The following RPS6KC1 variants were observed in gnomAD, a reference collection of about 807,000 sequenced individuals.
RPS6KC1 encodes the protein inactive ribosomal protein S6 kinase delta-1.
A neutral mutation model predicts 103.8 loss-of-function variants in RPS6KC1; 54 were observed. The observed-to-expected ratio is 0.52, with a 90% CI of 0.42 to 0.65. The LOEUF (loss-of-function observed/expected upper bound fraction) is 0.65, where lower values mean the gene tolerates loss of function less well. Among genes scored for constraint, RPS6KC1 ranks in the 30% least tolerant of loss-of-function variants. The pLI, the probability that RPS6KC1 is intolerant of heterozygous loss-of-function variation, is 0.00. For missense variants in RPS6KC1, 1,151 were observed against 1,253.8 expected (o/e 0.92, Z 1.24); for synonymous variants, 439 against 438.7 (o/e 1.00, Z -0.01).
chr1:213,579,455 C>G, the RPS6KC1 span, among the ~76,000 whole-genome samples: 1 of 151,960 alleles, frequency 6.6e-6, no homozygotes, highest in Non-Finnish European at 1.5e-5. Context: ...GGTGAAGCAC[C>G]AAGTGCTGAT....
chr1:213,773,213 A>G, the RPS6KC1 span, among the ~76,000 whole-genome samples: 1 of 101,068 alleles, frequency 9.9e-6, no homozygotes, highest in Non-Finnish European at 2.3e-5. Flanking sequence ...TTGAAACACC[A>G]TTCAGTCTCT....
the RPS6KC1 span, among the ~76,000 whole-genome samples, chr1:213,684,267 G>A: frequency 1.1e-3 from 169 of 152,230 alleles, 1 homozygote; most frequent in Middle Eastern, 6.8e-3. Flanking sequence ...CAGCAACCCG[G>A]GGAGCTTTTG....
At position 213,104,477 on chromosome 1, in the gene RPS6KC1, G is replaced by A. The variant is rs56032860; in HGVS notation, c.286G>A (p.Glu96Lys). 4.0e-5 allele frequency: 64 copies of A among 1,610,836 alleles called. 1 individual carries two copies. In the South Asian group the frequency reaches 4.4e-4, roughly 11 times the overall value. Residue 96 changes from glutamate (E) to lysine (K), a missense_variant, in exon 4 of 15, where the codon GAA becomes AAA. Coordinates refer to ENST00000366960, the MANE Select transcript of RPS6KC1 (RefSeq NM_012424.6). Reference sequence around the variant, plus strand: ...AGGGCGATTTGATGAAACTGTTATCGAAGAGAGAAGACAATGTGCTGAAGA... The same window carrying A: ...AGGGCGATTTGATGAAACTGTTATCAAAGAGAGAAGACAATGTGCTGAAGA... ...VFGRFDETVI[E>K]ERRQCAEDLL... is the part of the protein sequence containing the mutation.
At chr1:213,476,505 CT>C in the RPS6KC1 span, among the ~76,000 whole-genome samples, 1 of 152,172 alleles carries the variant, frequency 6.6e-6, no homozygotes, top group African/African-American at 2.4e-5. Flanking sequence ...TGCACCTCCC[CT>C]TTATAAATCT....
At chr1:213,837,697 A>T in the RPS6KC1 span, among the ~76,000 whole-genome samples, 7 of 152,288 alleles carry the variant, frequency 4.6e-5, no homozygotes, top group South Asian at 1.5e-3. Flanking sequence ...GTGTGTGTGC[A>T]TGCACATGTG....
At chr1:213,761,474 G>T in the RPS6KC1 span, among the ~76,000 whole-genome samples, 3 of 152,146 alleles carry the variant, frequency 2.0e-5, no homozygotes, top group Non-Finnish European at 4.4e-5. Context: ...AGATGGAAAG[G>T]ATTCCAATAA....
At chr1:213,818,639 C>T in the RPS6KC1 span, 8 of 152,156 alleles carry the variant, frequency 5.3e-5, no homozygotes, top group East Asian at 7.7e-4. Context: ...AATTCTGGCA[C>T]ATAGAGAACA....
intron 8 of RPS6KC1, among the ~76,000 whole-genome samples, chr1:213,182,644 G>C (rs779780315): frequency 6.6e-6 from 1 of 150,982 alleles, no homozygotes; most frequent in Non-Finnish European, 1.5e-5. Flanking sequence ...AAATATACCA[G>C]TTAAAAAAAC....
the RPS6KC1 span, among the ~76,000 whole-genome samples, chr1:213,722,933 C>T: frequency 1.6e-4 from 24 of 152,156 alleles, no homozygotes; most frequent in Non-Finnish European, 1.9e-4. Context: ...AATCCCAGCA[C>T]TTTGGGAGGC....
the RPS6KC1 span, among the ~76,000 whole-genome samples, chr1:213,775,294 T>C: frequency 6.6e-6 from 1 of 152,172 alleles, no homozygotes; most frequent in Non-Finnish European, 1.5e-5. Context: ...TAATAGGTGG[T>C]CTAATGTTAA....
intron 3 of RPS6KC1, among the ~76,000 whole-genome samples, chr1:213,092,438 G>A (rs1000135782): frequency 2.6e-4 from 39 of 152,252 alleles, no homozygotes; most frequent in African/African-American, 9.1e-4. Context: ...TTGGGAGGCC[G>A]AGGCGGGCGG....
At chr1:213,826,612 G>C in the RPS6KC1 span, among the ~76,000 whole-genome samples, 2 of 152,282 alleles carry the variant, frequency 1.3e-5, no homozygotes, top group South Asian at 4.1e-4. Flanking sequence ...CAAAAGCAGG[G>C]CATTAAACCA....
chr1:213,415,688 A>G, the RPS6KC1 span, among the ~76,000 whole-genome samples: 1 of 152,148 alleles, frequency 6.6e-6, no homozygotes, highest in Non-Finnish European at 1.5e-5. Flanking sequence ...CTTTAATGCC[A>G]ATGTGAACAG....
chr1:213,289,909 C>G, the RPS6KC1 span, among the ~76,000 whole-genome samples: 1 of 151,992 alleles, frequency 6.6e-6, no homozygotes, highest in Non-Finnish European at 1.5e-5. Flanking sequence ...CGTGGTGGCG[C>G]GTGCCTGTGA....
At chr1:213,696,710 T>C in the RPS6KC1 span, among the ~76,000 whole-genome samples, 114 of 152,270 alleles carry the variant, frequency 7.5e-4, no homozygotes, top group Non-Finnish European at 1.1e-3. Context: ...ATTCTTCAAT[T>C]AATCAGTTGA....
chr1:213,193,039 T>C (rs2092806833), intron 8 of RPS6KC1, among the ~76,000 whole-genome samples: 1 of 152,246 alleles, frequency 6.6e-6, no homozygotes, highest in South Asian at 2.1e-4. Flanking sequence ...TTTTATTCCA[T>C]TGTGGTCAGA....
At chr1:213,198,993 A>G (rs1408963977) in intron 8 of RPS6KC1, among the ~76,000 whole-genome samples, 1 of 151,954 alleles carries the variant, frequency 6.6e-6, no homozygotes, top group Non-Finnish European at 1.5e-5. Context: ...GCTGTAATAA[A>G]TAGCCTACCA....
the RPS6KC1 span, among the ~76,000 whole-genome samples, chr1:213,448,412 T>C: frequency 0.52 from 78,450 of 151,728 alleles, 21,036 homozygotes; most frequent in East Asian, 0.67. Context: ...GGATGATTCT[T>C]AGGCACATGC....
At chr1:213,487,110 TA>T in the RPS6KC1 span, among the ~76,000 whole-genome samples, 4 of 152,134 alleles carry the variant, frequency 2.6e-5, no homozygotes, top group Non-Finnish European at 5.9e-5. Flanking sequence ...CTCCTTAGAA[TA>T]ACTACAATAG....
Sources: gnomAD v4.1 joint callset for allele counts (sites outside exome capture counted in the v4.1 genomes callset) on GRCh38, gnomAD v4.1.1 for gene constraint, MANE v1.5 for transcripts, NCBI Gene and HGNC (gene_info 2026-07-23, HGNC 2026-07-21) for gene names.